The following KATNIP variants were observed in gnomAD, a reference collection of about 807,000 sequenced individuals.
The protein encoded by KATNIP is katanin interacting protein, also known as katanin-interacting protein.
Under a neutral mutation model 174.0 loss-of-function variants are expected in KATNIP, and 126 were observed. That is an observed-to-expected ratio of 0.72 (90% CI 0.63 to 0.84). The LOEUF (loss-of-function observed/expected upper bound fraction) is 0.84. Among genes scored for constraint, KATNIP ranks in the 40% least tolerant of loss-of-function variants. The pLI is 0.00. For missense variants in KATNIP, 1,958 were observed against 2,109.7 expected (o/e 0.93, Z 1.41); for synonymous variants, 810 against 835.7 (o/e 0.97, Z 0.53).
At chr16:27,563,974 G>A (rs2089991816) in intron 1 of KATNIP, among the ~76,000 whole-genome samples, 2 of 151,238 alleles carry the variant, frequency 1.3e-5, no homozygotes, top group African/African-American at 2.4e-5. Flanking sequence ...GAGGCAGGAG[G>A]ATCACTTGAG....
At chr16:27,731,584 T>C (rs1368233248) in intron 14 of KATNIP, among the ~76,000 whole-genome samples, 3 of 152,128 alleles carry the variant, frequency 2.0e-5, no homozygotes, top group East Asian at 3.9e-4. Flanking sequence ...TACCAGGCAG[T>C]CTGGTGCCCA....
At chr16:27,613,562 A>G (rs1174054406) in intron 2 of KATNIP, among the ~76,000 whole-genome samples, 2 of 145,806 alleles carry the variant, frequency 1.4e-5, no homozygotes, top group Non-Finnish European at 2.9e-5. Context: ...ATGTTTCAAA[A>G]TGGTTATGTA....
At chr16:27,593,527 C>T (rs540325468) in intron 2 of KATNIP, among the ~76,000 whole-genome samples, 73 of 151,946 alleles carry the variant, frequency 4.8e-4, no homozygotes, top group African/African-American at 1.7e-3. Context: ...CGTGAGCCAC[C>T]GTGTCCGTCC....
At chr16:27,690,438 G>T (rs1159497338) in intron 8 of KATNIP, among the ~76,000 whole-genome samples, 1 of 152,156 alleles carries the variant, frequency 6.6e-6, no homozygotes, top group East Asian at 1.9e-4. Context: ...CCCAGCTAGA[G>T]AAACAGACAC....
intron 6 of KATNIP, among the ~76,000 whole-genome samples, chr16:27,661,170 G>A (rs1041479014): frequency 6.6e-6 from 1 of 152,218 alleles, no homozygotes; most frequent in Non-Finnish European, 1.5e-5. Context: ...TTTGAGATAT[G>A]TAGTTTGGAT....
At chr16:27,707,336 C>T (rs193219330) in intron 12 of KATNIP, among the ~76,000 whole-genome samples, 9 of 152,284 alleles carry the variant, frequency 5.9e-5, no homozygotes, top group Non-Finnish European at 7.4e-5. Flanking sequence ...GAAGCCATTC[C>T]GAACGGTGGC....
chr16:27,590,515 G>A (rs1298575072), intron 2 of KATNIP, among the ~76,000 whole-genome samples: 2 of 152,194 alleles, frequency 1.3e-5, no homozygotes, highest in East Asian at 3.9e-4. Context: ...ATACTTACGG[G>A]CAGAGGGTCA....
At chr16:27,616,033 C>G (rs2076025311) in intron 2 of KATNIP, among the ~76,000 whole-genome samples, 2 of 152,146 alleles carry the variant, frequency 1.3e-5, no homozygotes, top group African/African-American at 4.8e-5. Context: ...CAGTACCAAG[C>G]TGATATTGTA....
intron 1 of KATNIP, among the ~76,000 whole-genome samples, chr16:27,568,676 G>C (rs994082010): frequency 4.5e-4 from 68 of 152,192 alleles, no homozygotes; most frequent in African/African-American, 1.5e-3. Flanking sequence ...TGTTGGCCAG[G>C]ATGGTCTCAA....
At position 27,766,426 on chromosome 16, in the gene KATNIP, C is replaced by G. The variant is rs754806903; in HGVS notation, c.3927C>G (p.Gly1309=). 6.2e-7 allele frequency: 1 copy of G among 1,613,924 alleles called. No homozygotes were observed. The highest frequency in any genetic ancestry group is 1.3e-5 in the African/African-American group (1 of 74,940). The part of the protein sequence containing the change: ...IRLDRAESIA[G]LRFWNYNKSP... ...TGGACAGGGCCGAAAGCATCGCAGG[C>G]CTGCGCTTCTGGAACTACAATAAAT... is the stretch of plus-strand genomic sequence containing the variant. The change falls in exon 20 of 28, where the codon GGC becomes GGG. Residue 1309 remains glycine, a synonymous_variant. Coordinates refer to ENST00000261588, the MANE Select transcript of KATNIP (RefSeq NM_015202.5).
intron 15 of KATNIP, among the ~76,000 whole-genome samples, chr16:27,743,440 C>T (rs996089282): frequency 6.6e-6 from 1 of 152,134 alleles, no homozygotes; most frequent in Non-Finnish European, 1.5e-5. Flanking sequence ...TCTGATTCCC[C>T]AGCCTTACAA....
chr16:27,749,987 A>G lies in KATNIP; in HGVS notation c.3027A>G (p.Ser1009=). Residue 1009 remains serine (S), a synonymous_variant, in exon 16 of 28, where the codon TCA becomes TCG. Coordinates refer to ENST00000261588, the MANE Select transcript of KATNIP (RefSeq NM_015202.5). ...FSSKGEPVQI[S]NIKADPPDIN... is the part of the protein sequence containing the mutation. ...CCAAGGGTGAACCGGTGCAGATTTCAAACATAAAAGCAGACCCTCCCGATA... is the reference window on the plus strand; with the variant it reads ...CCAAGGGTGAACCGGTGCAGATTTCGAACATAAAAGCAGACCCTCCCGATA... 6.2e-7 allele frequency: 1 copy of G among 1,614,218 alleles called. No individual in the cohort carries two copies. Among genetic ancestry groups the G allele is most frequent in the Non-Finnish European group, 8.5e-7 (1 of 1,180,036 alleles).
intron 18 of KATNIP, among the ~76,000 whole-genome samples, chr16:27,757,126 C>T (rs1034235298): frequency 3.9e-5 from 6 of 152,244 alleles, no homozygotes; most frequent in Admixed American, 3.9e-4. Context: ...ACTCTGTGGC[C>T]CAGGCTAGAG....
rs374802074 is a variant in KATNIP, at chr16:27,701,606, G to A, written c.1197G>A (p.Thr399=). Residue 399 remains threonine (T), a synonymous_variant, in exon 11 of 28, where the codon ACG becomes ACA. Transcript: ENST00000261588. ...EETLELLPIT[T]ATTTQEPAGA... is the part of the protein sequence containing the mutation. ...ATCCTCAGCTGCTTCCCATCACCAC[G>A]GCGACTACTACTCAGGAGCCGGCCG... 76 of 1,598,040 alleles carry A rather than the reference G, an allele frequency of 4.8e-5. No homozygotes were observed. Among genetic ancestry groups the A allele is most frequent in the Admixed American group, 1.0e-4 (6 of 57,988 alleles).
At chr16:27,755,326 T>A (rs1450733053) in intron 18 of KATNIP, 2 of 152,310 alleles carry the variant, frequency 1.3e-5, no homozygotes, top group Non-Finnish European at 2.9e-5. Flanking sequence ...GATGCCTCCC[T>A]GCTCCATCTC....
chr16:27,594,944 A>G (rs1053953032), intron 2 of KATNIP, among the ~76,000 whole-genome samples: 53 of 152,226 alleles, frequency 3.5e-4, no homozygotes, highest in African/African-American at 1.3e-3. Flanking sequence ...CTCTGAAACA[A>G]TGGGGAAAAA....
At chr16:27,757,270 T>C (rs1010594911) in intron 18 of KATNIP, among the ~76,000 whole-genome samples, 2 of 152,068 alleles carry the variant, frequency 1.3e-5, no homozygotes, top group African/African-American at 4.8e-5. Context: ...CATCCTTAAG[T>C]CAGCCACTGT....
intron 2 of KATNIP, among the ~76,000 whole-genome samples, chr16:27,592,693 T>G (rs553282986): frequency 6.6e-6 from 1 of 152,058 alleles, no homozygotes; most frequent in Non-Finnish European, 1.5e-5. Context: ...ATGTTGTTCA[T>G]TGTGATAGAG....
chr16:27,606,992 G>C (rs1429953195), intron 2 of KATNIP, among the ~76,000 whole-genome samples: 1 of 152,130 alleles, frequency 6.6e-6, no homozygotes, highest in Non-Finnish European at 1.5e-5. Flanking sequence ...AGTAGCCCTG[G>C]CTCATATCAC....
Sources: allele counts gnomAD v4.1 joint callset (sites outside exome capture counted in the v4.1 genomes callset), GRCh38; gene constraint gnomAD v4.1.1; transcripts MANE v1.5; gene names NCBI Gene and HGNC (gene_info 2026-07-23, HGNC 2026-07-21).